The following GALNT17 variants were observed in gnomAD, a reference collection of about 807,000 sequenced individuals.
GALNT17 encodes the protein polypeptide N-acetylgalactosaminyltransferase 17.
A neutral mutation model predicts 63.7 loss-of-function variants in GALNT17; 29 were observed. That is an observed-to-expected ratio of 0.46 (90% CI 0.34 to 0.62). GALNT17 has a LOEUF of 0.62. Ranked by LOEUF, GALNT17 falls within the 20% of genes least tolerant of loss-of-function variation. The pLI is 0.01. For missense variants in GALNT17, 603 were observed against 799.6 expected (o/e 0.75, Z 2.97); for synonymous variants, 305 against 318.3 (o/e 0.96, Z 0.45).
At chr7:71,230,737 C>T (rs924273881) in intron 1 of GALNT17, among the ~76,000 whole-genome samples, 4 of 152,084 alleles carry the variant, frequency 2.6e-5, no homozygotes, top group Non-Finnish European at 2.9e-5. Context: ...GGAGGGCATC[C>T]AGACCCATCC....
intron 2 of GALNT17, among the ~76,000 whole-genome samples, chr7:71,387,588 A>G (rs939588845): frequency 1.3e-5 from 2 of 152,002 alleles, no homozygotes; most frequent in African/African-American, 4.8e-5. Context: ...GGCCTCCCAA[A>G]TTGCTGAAAT....
chr7:71,409,017 AACACACACACACACAC>A (rs10674037), intron 3 of GALNT17, among the ~76,000 whole-genome samples: 23 of 144,946 alleles, frequency 1.6e-4, no homozygotes, highest in African/African-American at 5.9e-4. Flanking sequence ...CACATACACA[AACACACACACACACAC>A]ACACACACAC....
In GALNT17 at chr7:71,218,962, C is replaced by G. The variant is rs543240887; in HGVS notation, c.238+85922C>G. Among the ~76,000 whole-genome samples, 4 of 151,998 alleles carry G rather than the reference C, an allele frequency of 2.6e-5. No homozygotes were observed. In the South Asian group the frequency reaches 8.3e-4, roughly 32 times the overall value. ...AATAAATGTAATGCTCTTGAATCAT[C>G]CTGAAACCACCCCTCCCCTCTAGTC... On this transcript the variant is annotated intron_variant, in intron 1 of 10. Coordinates refer to ENST00000333538, the MANE Select transcript of GALNT17 (RefSeq NM_022479.3).
intron 1 of GALNT17, among the ~76,000 whole-genome samples, chr7:71,302,246 G>A (rs1489937357): frequency 2.0e-5 from 3 of 152,162 alleles, no homozygotes; most frequent in Non-Finnish European, 4.4e-5. Context: ...TAATGCATGC[G>A]GGGCTGAATA....
At chr7:71,360,311 A>C (rs1792373602) in intron 2 of GALNT17, among the ~76,000 whole-genome samples, 1 of 152,224 alleles carries the variant, frequency 6.6e-6, no homozygotes, top group Admixed American at 6.5e-5. Flanking sequence ...ACTAACTCGG[A>C]TAAGATGTGA....
chr7:71,191,708 T>C (rs943702220), intron 1 of GALNT17, among the ~76,000 whole-genome samples: 1 of 152,198 alleles, frequency 6.6e-6, no homozygotes, highest in African/African-American at 2.4e-5. Context: ...TTTCAGTTTT[T>C]GGCTATTATG....
intron 6 of GALNT17, among the ~76,000 whole-genome samples, chr7:71,663,486 C>T (rs758287020): frequency 6.6e-6 from 1 of 152,134 alleles, no homozygotes; most frequent in South Asian, 2.1e-4. Flanking sequence ...CATTTGGCCT[C>T]CTTGACTTCC....
chr7:71,367,144 C>T (rs1394795588), intron 2 of GALNT17, among the ~76,000 whole-genome samples: 2 of 152,184 alleles, frequency 1.3e-5, no homozygotes, highest in East Asian at 3.8e-4. Context: ...TCCTCTTTGA[C>T]CCTGGATTCC....
At chr7:71,218,938 A>G (rs1333054107) in intron 1 of GALNT17, among the ~76,000 whole-genome samples, 1 of 152,170 alleles carries the variant, frequency 6.6e-6, no homozygotes, top group Non-Finnish European at 1.5e-5. Context: ...AAAGTGCAGA[A>G]TAAATGTAAT....
chr7:71,441,191 T>A (rs570250473), intron 5 of GALNT17, among the ~76,000 whole-genome samples: 1 of 152,034 alleles, frequency 6.6e-6, no homozygotes, highest in South Asian at 2.1e-4. Context: ...CCCGGCTGAT[T>A]TTTGTATTTT....
At position 71,264,910 on chromosome 7, in the gene GALNT17, G is replaced by C. The variant is rs148223985; in HGVS notation, c.239-70640G>C. ...TTAGAAGGAATACATTCTAATATTT[G>C]ATAGCAGAGTAGGGTGACTGTAGTT... On this transcript the variant is annotated intron_variant, in intron 1 of 10. Coordinates refer to ENST00000333538, the MANE Select transcript of GALNT17 (RefSeq NM_022479.3). 3.3e-3 allele frequency among the ~76,000 whole-genome samples: 493 copies of C among 151,428 alleles called. 2 individuals carry two copies. The highest frequency in any genetic ancestry group is 0.012 in the African/African-American group (484 of 41,284).
chr7:71,345,571 T>C (rs1395850192), intron 2 of GALNT17, among the ~76,000 whole-genome samples: 7 of 152,198 alleles, frequency 4.6e-5, no homozygotes, highest in Non-Finnish European at 8.8e-5. Flanking sequence ...AACAGAGGCA[T>C]GTTGTGGTCT....
intron 1 of GALNT17, among the ~76,000 whole-genome samples, chr7:71,295,661 T>C (rs1344086772): frequency 6.6e-6 from 1 of 151,860 alleles, no homozygotes; most frequent in African/African-American, 2.4e-5. Flanking sequence ...TTCCATAGAA[T>C]GGTCATAGCT....
chr7:71,542,428 C>A (rs116208756), intron 5 of GALNT17, among the ~76,000 whole-genome samples: 5 of 151,778 alleles, frequency 3.3e-5, no homozygotes, highest in African/African-American at 1.2e-4. Flanking sequence ...TAATGATAAT[C>A]GCTGGGCACA....
intron 1 of GALNT17, among the ~76,000 whole-genome samples, chr7:71,328,210 A>G (rs562672170): frequency 4.6e-5 from 7 of 152,316 alleles, no homozygotes; most frequent in East Asian, 3.9e-4. Flanking sequence ...GTCAGCTGTT[A>G]GGTGCAAAAG....
chr7:71,509,222 A>C (rs1788314351), intron 5 of GALNT17, among the ~76,000 whole-genome samples: 1 of 152,250 alleles, frequency 6.6e-6, no homozygotes, highest in African/African-American at 2.4e-5. Flanking sequence ...AGTCTGTGTT[A>C]GATGATTTTC....
At chr7:71,547,887 A>G (rs1235617136) in intron 5 of GALNT17, among the ~76,000 whole-genome samples, 3 of 152,048 alleles carry the variant, frequency 2.0e-5, no homozygotes, top group Non-Finnish European at 2.9e-5. Flanking sequence ...TTATAGCACT[A>G]ATATTGTGTG....
chr7:71,645,829 T>G (rs1339906432), intron 6 of GALNT17, among the ~76,000 whole-genome samples: 1 of 152,134 alleles, frequency 6.6e-6, no homozygotes, highest in East Asian at 1.9e-4. Context: ...GGTGGAGTAA[T>G]TTACCAATTG....
chr7:71,603,752 C>T (rs570897934), intron 6 of GALNT17, among the ~76,000 whole-genome samples: 2 of 152,054 alleles, frequency 1.3e-5, no homozygotes, highest in East Asian at 3.9e-4. Context: ...TAAGTACATA[C>T]ACCAGGTACT....
Sources: gnomAD v4.1 joint callset for allele counts (sites outside exome capture counted in the v4.1 genomes callset) on GRCh38, gnomAD v4.1.1 for gene constraint, MANE v1.5 for transcripts, NCBI Gene and HGNC (gene_info 2026-07-23, HGNC 2026-07-21) for gene names.